The following MYRIP variants were observed in gnomAD, a reference collection of about 807,000 sequenced individuals.
MYRIP encodes myosin VIIA and Rab interacting protein, also known as rab effector MyRIP.
In MYRIP, 49 loss-of-function variants were observed where a neutral mutation model predicts 98.0. The observed-to-expected ratio is 0.50, with a 90% CI of 0.40 to 0.63. The LOEUF (loss-of-function observed/expected upper bound fraction) is 0.63. Ranked by LOEUF, MYRIP falls within the 30% of genes least tolerant of loss-of-function variation. The pLI is 0.00. For missense variants in MYRIP, 1,004 were observed against 1,058.2 expected (o/e 0.95, Z 0.71); for synonymous variants, 404 against 409.5 (o/e 0.99, Z 0.16).
intron 2 of MYRIP, among the ~76,000 whole-genome samples, chr3:40,037,646 T>A (rs1004461218): frequency 2.6e-5 from 4 of 152,004 alleles, no homozygotes; most frequent in Admixed American, 6.6e-5. Context: ...TTGTCACAGG[T>A]ATGGGACAAT....
At chr3:40,002,262 T>C (rs1272429042) in intron 2 of MYRIP, among the ~76,000 whole-genome samples, 3 of 152,184 alleles carry the variant, frequency 2.0e-5, no homozygotes, top group Non-Finnish European at 2.9e-5. Context: ...AGGCTGAGCG[T>C]GGTGGCTCAT....
chr3:39,902,857 C>G (rs1943777638), intron 2 of MYRIP, among the ~76,000 whole-genome samples: 1 of 152,114 alleles, frequency 6.6e-6, no homozygotes, highest in Non-Finnish European at 1.5e-5. Flanking sequence ...GTAGTAGACC[C>G]AACAAAATGG....
At chr3:40,008,813 G>A (rs1946690993) in intron 2 of MYRIP, among the ~76,000 whole-genome samples, 3 of 152,166 alleles carry the variant, frequency 2.0e-5, no homozygotes, top group Admixed American at 2.0e-4. Context: ...AGAATTTCAG[G>A]TTCTCTGCAG....
intron 3 of MYRIP, among the ~76,000 whole-genome samples, chr3:40,084,877 T>C (rs1948587619): frequency 1.0e-5 from 1 of 96,436 alleles, no homozygotes; most frequent in African/African-American, 3.7e-5. Flanking sequence ...TATATCTATG[T>C]GTTACATGTC....
chr3:39,993,791 A>C (rs930301037), intron 2 of MYRIP, among the ~76,000 whole-genome samples: 4 of 152,246 alleles, frequency 2.6e-5, no homozygotes, highest in African/African-American at 9.6e-5. Context: ...GAGTAAATGC[A>C]GTAATTCTCT....
intron 10 of MYRIP, among the ~76,000 whole-genome samples, chr3:40,197,663 T>C (rs1016719759): frequency 1.3e-5 from 2 of 152,220 alleles, no homozygotes; most frequent in African/African-American, 4.8e-5. Context: ...TGAACTCTTA[T>C]AGCTTTTTAC....
At chr3:39,812,966 G>C (rs1297644865) in intron 1 of MYRIP, among the ~76,000 whole-genome samples, 1 of 152,244 alleles carries the variant, frequency 6.6e-6, no homozygotes, top group South Asian at 2.1e-4. Context: ...TGGGATGGGG[G>C]CAGGTGCTTG....
chr3:40,119,406 A>T (rs1575552549), intron 3 of MYRIP, among the ~76,000 whole-genome samples: 1 of 152,220 alleles, frequency 6.6e-6, no homozygotes. Flanking sequence ...ATGTAATGGC[A>T]TGTTGACATT....
chr3:39,938,420 A>G (rs1944705540), intron 2 of MYRIP, among the ~76,000 whole-genome samples: 1 of 152,134 alleles, frequency 6.6e-6, no homozygotes, highest in South Asian at 2.1e-4. Flanking sequence ...GGTCTCTTAT[A>G]GATACTTCTG....
intron 3 of MYRIP, among the ~76,000 whole-genome samples, chr3:40,077,537 C>T (rs1391767837): frequency 6.6e-6 from 1 of 152,046 alleles, no homozygotes; most frequent in Non-Finnish European, 1.5e-5. Context: ...CTCCAAGGCC[C>T]CACCAGAGTA....
intron 1 of MYRIP, among the ~76,000 whole-genome samples, chr3:39,877,789 A>C (rs1464859952): frequency 1.3e-5 from 2 of 152,174 alleles, no homozygotes; most frequent in Non-Finnish European, 2.9e-5. Context: ...CTCGGGGGTC[A>C]GGGGTCAGGG....
intron 3 of MYRIP, among the ~76,000 whole-genome samples, chr3:40,141,663 A>G (rs1177227054): frequency 1.3e-5 from 2 of 152,128 alleles, no homozygotes; most frequent in Non-Finnish European, 2.9e-5. Context: ...TTCTGTATAT[A>G]GATATCCAGT....
rs534159022 is a variant in MYRIP, at chr3:40,259,570, C to T, written c.*1404C>T. 41 of 152,294 alleles carry T rather than the reference C, an allele frequency of 2.7e-4. No individual in the cohort carries two copies. In the South Asian group the frequency reaches 7.9e-3, roughly 29 times the overall value. 9.4% of individuals were successfully genotyped at this position (152,294 alleles called of 1,614,324 possible). On this transcript the variant is annotated 3_prime_UTR_variant, in exon 17 of 17. Transcript: ENST00000302541. Reference sequence around the variant, plus strand: ...CTTTATGCTAATTATGATTGGAATGCATCACAAAAGCCTAACTCTGTTGTT... The same window carrying T: ...CTTTATGCTAATTATGATTGGAATGTATCACAAAAGCCTAACTCTGTTGTT...
At chr3:39,871,783 TTA>T (rs1942796255) in intron 1 of MYRIP, among the ~76,000 whole-genome samples, 1 of 152,108 alleles carries the variant, frequency 6.6e-6, no homozygotes, top group South Asian at 2.1e-4. Context: ...TGTGTAGAAA[TTA>T]TGTCTGAATT....
At chr3:39,996,295 A>T (rs113913098) in intron 2 of MYRIP, among the ~76,000 whole-genome samples, 1 of 151,994 alleles carries the variant, frequency 6.6e-6, no homozygotes, top group African/African-American at 2.4e-5. Flanking sequence ...CCCATCTCAC[A>T]TGCAGAGACA....
chr3:40,023,253 A>G (rs749127603), intron 2 of MYRIP, among the ~76,000 whole-genome samples: 4 of 152,236 alleles, frequency 2.6e-5, no homozygotes, highest in African/African-American at 4.8e-5. Context: ...TGGATTTGAC[A>G]ATACGTGACT....
At chr3:39,956,983 A>G (rs1445949410) in intron 2 of MYRIP, among the ~76,000 whole-genome samples, 1 of 151,892 alleles carries the variant, frequency 6.6e-6, no homozygotes, top group East Asian at 1.9e-4. Context: ...AACCAGGAAG[A>G]AGTTGAATCC....
chr3:39,825,520 C>G (rs1213263112), intron 1 of MYRIP, among the ~76,000 whole-genome samples: 1 of 152,086 alleles, frequency 6.6e-6, no homozygotes, highest in Non-Finnish European at 1.5e-5. Flanking sequence ...GTTGAACCAT[C>G]GCTGTATCCT....
intron 1 of MYRIP, among the ~76,000 whole-genome samples, chr3:39,892,714 A>G (rs2125661387): frequency 6.6e-6 from 1 of 152,318 alleles, no homozygotes; most frequent in South Asian, 2.1e-4. Context: ...AAATTAATAT[A>G]ATGATATTAT....
Sources: allele counts gnomAD v4.1 joint callset (sites outside exome capture counted in the v4.1 genomes callset), GRCh38; gene constraint gnomAD v4.1.1; transcripts MANE v1.5; gene names NCBI Gene and HGNC (gene_info 2026-07-23, HGNC 2026-07-21).